Variants in SLC10A7 observed in about 807,000 individuals in gnomAD.
SLC10A7 encodes sodium/bile acid cotransporter 7.
In SLC10A7, 29 loss-of-function variants were observed where a neutral mutation model predicts 43.2. The ratio of observed to expected loss-of-function variants is 0.67; its 90% CI spans 0.50 to 0.92. SLC10A7 has a LOEUF of 0.92. SLC10A7 is among the 40% of genes least tolerant of loss of function. The pLI is 0.00. For synonymous variants in SLC10A7, 152 were observed against 144.8 expected, an observed-to-expected ratio of 1.05 and a Z score of -0.35; for missense variants, 295 against 403.2, an observed-to-expected ratio of 0.73 and a Z score of 2.30.
At chr4:146,328,035 C>T (rs1733272474) in intron 5 of SLC10A7, among the ~76,000 whole-genome samples, 1 of 152,242 alleles carries the variant, frequency 6.6e-6, no homozygotes, top group Admixed American at 6.5e-5. Context: ...GAATGACCCA[C>T]CCTGCTCCCT....
chr4:146,300,725 T>A (rs537364765), intron 7 of SLC10A7, among the ~76,000 whole-genome samples: 1 of 152,226 alleles, frequency 6.6e-6, no homozygotes, highest in Non-Finnish European at 1.5e-5. Context: ...TTCTTTAACA[T>A]AAAATTTTGA....
At chr4:146,272,316 C>T (rs1201168500) in intron 10 of SLC10A7, among the ~76,000 whole-genome samples, 1 of 152,092 alleles carries the variant, frequency 6.6e-6, no homozygotes, top group African/African-American at 2.4e-5. Context: ...TTCCTGGGGC[C>T]CAGGAATCTT....
intron 4 of SLC10A7, among the ~76,000 whole-genome samples, chr4:146,469,965 C>A (rs972623776): frequency 6.6e-6 from 1 of 152,058 alleles, no homozygotes; most frequent in East Asian, 1.9e-4. Flanking sequence ...CAAAGGCATT[C>A]CTTTAAAATC....
chr4:146,292,983 G>GA lies in SLC10A7; in HGVS notation c.722-4dup. ...AAAACTCAGCTGGATAGAAAATACT[G>GA]AAGAAAAAAAGATTGAATCTAAATT... is the stretch of plus-strand genomic sequence containing the variant. On this transcript the variant is annotated splice_region_variant and splice_polypyrimidine_tract_variant and intron_variant, in intron 8 of 11. Transcript: ENST00000335472. The GA allele has an allele frequency of 6.4e-7, 1 of 1,563,110 alleles. No individual in the cohort carries two copies. The highest frequency in any genetic ancestry group is 1.1e-5 in the South Asian group (1 of 87,530).
intron 5 of SLC10A7, among the ~76,000 whole-genome samples, chr4:146,352,514 C>T (rs1735202067): frequency 2.0e-5 from 3 of 151,012 alleles, no homozygotes; most frequent in South Asian, 2.1e-4. Context: ...AGGAATTGAA[C>T]TCAGCTCTGC....
At chr4:146,509,141 T>A (rs1488305630) in intron 3 of SLC10A7, among the ~76,000 whole-genome samples, 4 of 152,206 alleles carry the variant, frequency 2.6e-5, no homozygotes, top group Non-Finnish European at 5.9e-5. Flanking sequence ...TCTTTTTACA[T>A]CATTTATCTC....
At chr4:146,277,650 G>T (rs1303000349) in intron 10 of SLC10A7, among the ~76,000 whole-genome samples, 1 of 152,078 alleles carries the variant, frequency 6.6e-6, no homozygotes, top group East Asian at 1.9e-4. Context: ...TGCATGACAG[G>T]AATATATTTA....
rs1002101612 is a variant in SLC10A7 at position 146,452,771 on chromosome 4, C to A, written c.397-9950G>T. ...TACACTACGCTCAATATTAAGAGGG[C>A]ACTTTTAATGTGATACCATTTTTAT... On this transcript the variant is annotated intron_variant, in intron 4 of 11. Transcript: ENST00000335472. 3.2e-4 allele frequency among the ~76,000 whole-genome samples: 49 copies of A among 152,016 alleles called. 1 individual carries two copies. Among genetic ancestry groups the A allele is most frequent in the Non-Finnish European group, 1.9e-4 (13 of 67,910 alleles).
At chr4:146,464,142 CAA>C (rs200887727) in intron 4 of SLC10A7, among the ~76,000 whole-genome samples, 1 of 143,930 alleles carries the variant, frequency 6.9e-6, no homozygotes, top group Admixed American at 6.9e-5. Flanking sequence ...TTTCTAATAG[CAA>C]AAAAAAAAGC....
In SLC10A7 at chr4:146,292,082, G is replaced by C. The variant is rs78191201; in HGVS notation, c.773+847C>G. 1.2e-3 allele frequency among the ~76,000 whole-genome samples: 176 copies of C among 152,308 alleles called. 2 individuals are homozygous for C. In the East Asian group the frequency reaches 0.02, roughly 17 times the overall value. ...AATGAGAAAGCATGAGGTCTTTCCA[G>C]GGAGCAGCAAAGATTTTACATCAAC... is the stretch of plus-strand genomic sequence containing the variant. On this transcript the variant is annotated intron_variant, in intron 9 of 11. Transcript: ENST00000335472.
intron 9 of SLC10A7, among the ~76,000 whole-genome samples, chr4:146,284,836 C>A (rs534744775): frequency 1.3e-5 from 2 of 151,936 alleles, no homozygotes; most frequent in Non-Finnish European, 2.9e-5. Context: ...CATAAGGTTC[C>A]GTAAATGCAT....
chr4:146,258,552 T>C (rs1728019809), intron 11 of SLC10A7, 140 bp downstream of exon 11: 1 of 749,826 alleles, frequency 1.3e-6, no homozygotes, highest in East Asian at 2.9e-5. Context: ...CAGTGCACCA[T>C]TATTATTGTA....
At chr4:146,301,062 T>C (rs1354632024) in intron 7 of SLC10A7, among the ~76,000 whole-genome samples, 1 of 152,228 alleles carries the variant, frequency 6.6e-6, no homozygotes, top group Non-Finnish European at 1.5e-5. Flanking sequence ...CATGCATATG[T>C]ACTGAGAGTT....
chr4:146,348,153 A>G (rs1379650089), intron 5 of SLC10A7, among the ~76,000 whole-genome samples: 1 of 152,200 alleles, frequency 6.6e-6, no homozygotes, highest in Non-Finnish European at 1.5e-5. Context: ...TACAACAAGG[A>G]GTAGTCACGT....
intron 5 of SLC10A7, among the ~76,000 whole-genome samples, chr4:146,368,599 AG>A (rs2149774676): frequency 6.6e-6 from 1 of 152,346 alleles, no homozygotes; most frequent in African/African-American, 2.4e-5. Flanking sequence ...ACTTTAAATA[AG>A]AAAGACTTAA....
At chr4:146,450,674 T>A (rs2149910688) in intron 4 of SLC10A7, among the ~76,000 whole-genome samples, 1 of 152,192 alleles carries the variant, frequency 6.6e-6, no homozygotes, top group South Asian at 2.1e-4. Flanking sequence ...TACTTACAAA[T>A]TTAAGAAAGT....
chr4:146,365,980 C>T (rs1336616344), intron 5 of SLC10A7, among the ~76,000 whole-genome samples: 1 of 152,212 alleles, frequency 6.6e-6, no homozygotes, highest in Admixed American at 6.5e-5. Flanking sequence ...GGAGCACAAA[C>T]CCTCTTGTGA....
intron 5 of SLC10A7, among the ~76,000 whole-genome samples, chr4:146,341,978 TCTCAA>T (rs1048627585): frequency 5.3e-5 from 8 of 151,880 alleles, no homozygotes; most frequent in Non-Finnish European, 1.0e-4. Flanking sequence ...TCTAGCTCCC[TCTCAA>T]CTCAGAAACA....
intron 5 of SLC10A7, among the ~76,000 whole-genome samples, chr4:146,365,475 AG>A (rs1426825251): frequency 1.3e-5 from 2 of 152,208 alleles, no homozygotes; most frequent in Non-Finnish European, 2.9e-5. Flanking sequence ...CTCTACTTAA[AG>A]CACAGTTAAC....
Sources: allele counts gnomAD v4.1 joint callset (sites outside exome capture counted in the v4.1 genomes callset), GRCh38; gene constraint gnomAD v4.1.1; transcripts MANE v1.5; gene names NCBI Gene and HGNC (gene_info 2026-07-23, HGNC 2026-07-21).